The following GTF2I variants were observed in gnomAD, a reference collection of about 807,000 sequenced individuals.
GTF2I encodes the protein general transcription factor II-I.
GTF2I carries 12 observed loss-of-function variants against 67.6 expected under a neutral mutation model. The observed-to-expected ratio is 0.18, with a 90% CI of 0.11 to 0.29. GTF2I has a LOEUF of 0.29. Among genes scored for constraint, GTF2I ranks in the 10% least tolerant of loss-of-function variants. GTF2I has a pLI of 1.00. For missense variants in GTF2I, 271 were observed against 580.1 expected, an observed-to-expected ratio of 0.47 and a Z score of 5.47; for synonymous variants, 149 against 197.0, an observed-to-expected ratio of 0.76 and a Z score of 2.04.
Position 74,706,324 on chromosome 7 carries a change from C to T in GTF2I, c.642-66C>T, listed in dbSNP as rs1790677661. 2.9e-6 allele frequency: 4 copies of T among 1,357,142 alleles called. No homozygotes were observed. In the African/African-American group the frequency reaches 5.7e-5, roughly 19 times the overall value. The allele number at this position is 1,357,142 out of a possible 1,614,324, so 84.1% of individuals were successfully genotyped here. On this transcript the variant is annotated intron_variant, in intron 7 of 34. Coordinates refer to ENST00000573035, the MANE Select transcript of GTF2I (RefSeq NM_032999.4). ...ATCTTAACACTTTGAGACCCAGAGA[C>T]TTTGAATGCTGTGGGAATGGCTGTC...
intron 16 of GTF2I, among the ~76,000 whole-genome samples, chr7:74,734,413 A>ATTTTG (rs1162557434): frequency 4.7e-5 from 7 of 149,610 alleles, no homozygotes; most frequent in African/African-American, 1.5e-4. Flanking sequence ...TGTTAGATGT[A>ATTTTG]TTTTGTTTTG....
chr7:74,719,702 C>G (rs1368978376), intron 12 of GTF2I, among the ~76,000 whole-genome samples: 2 of 152,118 alleles, frequency 1.3e-5, no homozygotes, highest in Non-Finnish European at 2.9e-5. Flanking sequence ...GGCAGATCAC[C>G]TGAGGTCGGG....
chr7:74,707,801 T>A (rs958787946), intron 8 of GTF2I, among the ~76,000 whole-genome samples: 69 of 152,226 alleles, frequency 4.5e-4, no homozygotes, highest in Admixed American at 4.5e-3. Context: ...AGAAACATGC[T>A]GAATTCAGAA....
chr7:74,658,438 C>A (rs1315217014), intron 1 of GTF2I, among the ~76,000 whole-genome samples: 1 of 145,658 alleles, frequency 6.9e-6, no homozygotes, highest in African/African-American at 2.5e-5. Context: ...GCGTGCGATC[C>A]CGCGCGCGAG....
chr7:74,660,598 C>A (rs1225539097), intron 1 of GTF2I, among the ~76,000 whole-genome samples: 2 of 149,976 alleles, frequency 1.3e-5, no homozygotes, highest in East Asian at 3.9e-4. Context: ...TCTTTTTTTT[C>A]CTTTTCCTTT....
At chr7:74,731,138 AT>A (rs1199346418) in intron 14 of GTF2I, among the ~76,000 whole-genome samples, 1 of 151,738 alleles carries the variant, frequency 6.6e-6, no homozygotes, top group Non-Finnish European at 1.5e-5. Flanking sequence ...TATCATTTTT[AT>A]TTTTTATAAA....
chr7:74,723,828 CGTG>C (rs1484543346), intron 12 of GTF2I, among the ~76,000 whole-genome samples: 4 of 149,132 alleles, frequency 2.7e-5, no homozygotes, highest in African/African-American at 9.9e-5. Flanking sequence ...TTCTAGGAAA[CGTG>C]GTGACTATGT....
chr7:74,729,720 C>T (rs1389221323), intron 13 of GTF2I, among the ~76,000 whole-genome samples: 7 of 139,114 alleles, frequency 5.0e-5, no homozygotes, highest in Admixed American at 2.2e-4. Flanking sequence ...TCAGGTGATC[C>T]GCATGCCTCA....
Position 74,682,869 on chromosome 7 carries a change from A to G in GTF2I, c.-5-6255A>G, listed in dbSNP as rs193235846. The stretch of plus-strand genomic sequence containing the variant: ...TATGACTTAGCAGTAACTAGAAATC[A>G]TAGAAATGAAAATTACAAACAAAAT... On this transcript the variant is annotated intron_variant, in intron 1 of 34. Coordinates refer to ENST00000573035, the MANE Select transcript of GTF2I (RefSeq NM_032999.4). Among the ~76,000 whole-genome samples the G allele has an allele frequency of 1.3e-4, 20 of 152,356 alleles. 1 individual carries two copies. The highest frequency in any genetic ancestry group is 1.3e-3 in the Admixed American group (20 of 15,286).
Position 74,706,439 on chromosome 7 carries a change from TAC to T in GTF2I, c.685+7_685+8del, listed in dbSNP as rs781981985. 2 of 1,596,756 alleles carry T rather than the reference TAC, an allele frequency of 1.3e-6. No individual in the cohort carries two copies. The highest frequency in any genetic ancestry group is 1.7e-6 in the Non-Finnish European group (2 of 1,164,298). On this transcript the variant is annotated splice_region_variant and intron_variant, in intron 8 of 34. Transcript: ENST00000573035. ...TGAACCCACAGAAGATTCTGGTATGTACTAGCACTTTTAGAATCAATGGTGAA... is the reference window on the plus strand; with the variant it reads ...TGAACCCACAGAAGATTCTGGTATGTTAGCACTTTTAGAATCAATGGTGAA...
intron 1 of GTF2I, among the ~76,000 whole-genome samples, chr7:74,661,725 C>A (rs1017057802): frequency 6.6e-6 from 1 of 151,812 alleles, no homozygotes; most frequent in African/African-American, 2.4e-5. Context: ...AAAAATAATT[C>A]GGACGACTGA....
At chr7:74,698,928 AT>A (rs1301422648) in intron 3 of GTF2I, 32 bp from the exon 4 acceptor site, 12 of 1,116,956 alleles carry the variant, frequency 1.1e-5, no homozygotes, top group African/African-American at 3.3e-5. Flanking sequence ...CCTTATTATT[AT>A]TTTTTTATTT....
chr7:74,701,049 A>G (rs587771744), intron 6 of GTF2I, among the ~76,000 whole-genome samples: 9 of 152,340 alleles, frequency 5.9e-5, no homozygotes, highest in Admixed American at 1.3e-4. Flanking sequence ...TGGCAAGAAC[A>G]TTGCATCCCT....
chr7:74,706,579 G>A, intron 8 of GTF2I, 146 bp downstream of exon 8: 1 of 625,782 alleles, frequency 1.6e-6, no homozygotes, highest in African/African-American at 1.8e-5. Context: ...GACACTATTT[G>A]TTAATGTTAT....
chr7:74,690,894 T>G, intron 2 of GTF2I, 79 bp from the exon 3 acceptor site: 2 of 1,310,186 alleles, frequency 1.5e-6, no homozygotes, highest in Middle Eastern at 2.6e-4. Flanking sequence ...AAAATGTTGT[T>G]AGTTTTTTTA....
chr7:74,671,069 T>A (rs1805404684), intron 1 of GTF2I, among the ~76,000 whole-genome samples: 1 of 149,324 alleles, frequency 6.7e-6, no homozygotes, highest in African/African-American at 2.5e-5. Context: ...ATCCACTGAT[T>A]GGGCAGATCC....
chr7:74,671,079 C>CTTTTTTTT (rs869137920), intron 1 of GTF2I, among the ~76,000 whole-genome samples: 4 of 61,808 alleles, frequency 6.5e-5, no homozygotes, highest in African/African-American at 1.4e-4. Context: ...TGGGCAGATC[C>CTTTTTTTT]TTTTTTTTTT....
chr7:74,701,710 C>A (rs1789790394), intron 6 of GTF2I, among the ~76,000 whole-genome samples: 1 of 152,166 alleles, frequency 6.6e-6, no homozygotes, highest in Admixed American at 6.5e-5. Context: ...AATGATCCAC[C>A]CGCCCCGGCC....
intron 15 of GTF2I, among the ~76,000 whole-genome samples, 162 bp downstream of exon 15, chr7:74,732,824 T>C (rs1384311243): frequency 6.6e-6 from 1 of 150,956 alleles, no homozygotes; most frequent in Non-Finnish European, 1.5e-5. Flanking sequence ...GGTCCAGCAT[T>C]GCATCAGTCA....
Sources: allele counts gnomAD v4.1 joint callset (sites outside exome capture counted in the v4.1 genomes callset), GRCh38; gene constraint gnomAD v4.1.1; transcripts MANE v1.5; gene names NCBI Gene and HGNC (gene_info 2026-07-23, HGNC 2026-07-21).